The following IBTK variants were observed in gnomAD, a reference collection of about 807,000 sequenced individuals.
IBTK encodes inhibitor of Bruton tyrosine kinase.
In IBTK, 83 loss-of-function variants were observed where a neutral mutation model predicts 154.9. That is an observed-to-expected ratio of 0.54 (90% CI 0.45 to 0.64). The LOEUF (loss-of-function observed/expected upper bound fraction) is 0.64, where lower values mean the gene tolerates loss of function less well. Among genes scored for constraint, IBTK ranks in the 30% least tolerant of loss-of-function variants. The probability of loss-of-function intolerance (pLI) is 0.00; values close to 1 mark genes in which losing one functional copy is unlikely to be tolerated. For synonymous variants in IBTK, 515 were observed against 536.1 expected, an observed-to-expected ratio of 0.96 and a Z score of 0.54; for missense variants, 1,332 against 1,584.6, an observed-to-expected ratio of 0.84 and a Z score of 2.71.
Position 82,172,466 on chromosome 6 carries a change from C to G in IBTK, c.3844G>C (p.Val1282Leu). The G allele has an allele frequency of 1.2e-6, 2 of 1,613,860 alleles. No homozygotes were observed. Among genetic ancestry groups the G allele is most frequent in the Non-Finnish European group, 1.7e-6 (2 of 1,179,788 alleles). Residue 1282 changes from valine to leucine, a missense_variant, in exon 28 of 29, where the codon GTC (valine) becomes CTC (leucine). This residue lies in a region of IBTK where 1,134 missense variants were observed against 1,274.7 expected (regional missense o/e 0.89). Transcript: ENST00000306270. ...SVTAPSMVAPVTFASIVEEEL... is the reference protein window; with the variant it reads ...SVTAPSMVAPLTFASIVEEEL... ...TCTTCTACAATAGATGCAAAAGTGA[C>G]TGGGGCTACCATGGATGGAGCAGTC... is the stretch of plus-strand genomic sequence containing the variant.
intron 12 of IBTK, among the ~76,000 whole-genome samples, chr6:82,213,820 C>G (rs139444357): frequency 1.3e-5 from 2 of 151,110 alleles, no homozygotes; most frequent in African/African-American, 4.9e-5. Context: ...TATCCATGTA[C>G]CTCCCCAAAA....
rs1562100522 is a variant in IBTK at position 82,225,582 on chromosome 6, A to G, written c.720T>C (p.His240=). The G allele has an allele frequency of 1.5e-5, 24 of 1,613,570 alleles. No homozygotes were observed. The highest frequency in any genetic ancestry group is 2.0e-5 in the Non-Finnish European group (24 of 1,179,622). ...ATCCATCTTCAGTTAATACAACAGT[A>G]TGATCCTTAGCAGCTGCCACTTGGG... The part of the protein sequence containing the change: ...NCSQVAAAKD[H]TVVLTEDGCV... The change falls in exon 6 of 29, where the codon CAT becomes CAC. Residue 240 remains histidine (H), a synonymous_variant. Transcript: ENST00000306270.
At chr6:82,198,625 T>G (rs530618579) in intron 21 of IBTK, among the ~76,000 whole-genome samples, 54 of 152,170 alleles carry the variant, frequency 3.5e-4, no homozygotes, top group African/African-American at 1.2e-3. Flanking sequence ...CACAAAACAA[T>G]GTACTCTTCT....
At chr6:82,234,743 C>T (rs1770652346) in intron 2 of IBTK, among the ~76,000 whole-genome samples, 1 of 152,180 alleles carries the variant, frequency 6.6e-6, no homozygotes, top group Admixed American at 6.5e-5. Context: ...TTTTCTCTCA[C>T]ATACTGCAGA....
At chr6:82,232,214 A>G (rs1014237373) in intron 3 of IBTK, among the ~76,000 whole-genome samples, 2 of 152,186 alleles carry the variant, frequency 1.3e-5, no homozygotes, top group African/African-American at 4.8e-5. Flanking sequence ...TTTCTTTAGC[A>G]GCTAAAGTTT....
intron 13 of IBTK, 57 bp from the exon 14 acceptor site, chr6:82,211,629 A>G: frequency 5.0e-6 from 7 of 1,386,320 alleles, no homozygotes; most frequent in Non-Finnish European, 7.1e-6. Flanking sequence ...TTAGTGAAAA[A>G]GATTATAGGA....
chr6:82,201,431 G>A lies in IBTK; in HGVS notation c.2781C>T (p.Tyr927=). 1 of 1,607,630 alleles carries A rather than the reference G, an allele frequency of 6.2e-7. No individual in the cohort carries two copies. Among genetic ancestry groups the A allele is most frequent in the East Asian group, 2.2e-5 (1 of 44,536 alleles). The change falls in exon 19 of 29, where the codon TAC becomes TAT. Residue 927 remains tyrosine, a synonymous_variant. Coordinates refer to ENST00000306270, the MANE Select transcript of IBTK (RefSeq NM_015525.4). ...DGVLKDLSEF[Y]RKMIPAMDRR... is the part of the protein sequence containing the mutation. ...AAAACATAAACCTTACCATTTTCCGGTAAAACTCAGAAAGATCCTTCAAAA... is the reference window on the plus strand; with the variant it reads ...AAAACATAAACCTTACCATTTTCCGATAAAACTCAGAAAGATCCTTCAAAA...
chr6:82,203,498 C>A (rs1452828472), intron 17 of IBTK, among the ~76,000 whole-genome samples: 1 of 152,092 alleles, frequency 6.6e-6, no homozygotes, highest in East Asian at 1.9e-4. Context: ...CTGTCTCACT[C>A]CTGACTAATC....
At chr6:82,244,255 C>A (rs184256138) in intron 1 of IBTK, among the ~76,000 whole-genome samples, 1 of 152,290 alleles carries the variant, frequency 6.6e-6, no homozygotes, top group East Asian at 1.9e-4. Context: ...CATTTTAACT[C>A]CAAAATTCAT....
At chr6:82,180,450 A>C (rs1421296273) in intron 26 of IBTK, among the ~76,000 whole-genome samples, 1 of 152,066 alleles carries the variant, frequency 6.6e-6, no homozygotes, top group Non-Finnish European at 1.5e-5. Context: ...ACAGGGTTTC[A>C]TCATGTTGCC....
chr6:82,196,117 T>C (rs1009915548), intron 22 of IBTK, among the ~76,000 whole-genome samples, 181 bp downstream of exon 22: 5 of 152,180 alleles, frequency 3.3e-5, no homozygotes, highest in Non-Finnish European at 7.3e-5. Flanking sequence ...AAAACTGCCA[T>C]TACAATCTCT....
At chr6:82,183,280 C>A (rs1357486475) in intron 25 of IBTK, among the ~76,000 whole-genome samples, 1 of 151,918 alleles carries the variant, frequency 6.6e-6, no homozygotes, top group South Asian at 2.1e-4. Context: ...CATGGTGGCA[C>A]ACACCTGTAA....
In IBTK at chr6:82,240,152, C is replaced by T. The variant is rs1554188344; in HGVS notation, c.321+14G>A. The T allele has an allele frequency of 6.3e-7, 1 of 1,581,312 alleles. No homozygotes were observed. The highest frequency in any genetic ancestry group is 1.4e-5 in the African/African-American group (1 of 73,908). Reference sequence around the variant, plus strand: ...CCAGACTAAATACGTTTAAAATAAACAAATGACAATTACCTTCAATAGAGA... The same window carrying T: ...CCAGACTAAATACGTTTAAAATAAATAAATGACAATTACCTTCAATAGAGA... On this transcript the variant is annotated intron_variant, in intron 2 of 28. Coordinates refer to ENST00000306270, the MANE Select transcript of IBTK (RefSeq NM_015525.4).
intron 8 of IBTK, among the ~76,000 whole-genome samples, chr6:82,221,217 G>A (rs1277119702): frequency 6.6e-6 from 1 of 152,100 alleles, no homozygotes; most frequent in East Asian, 1.9e-4. Context: ...CCAGCTACTC[G>A]GGAGGGTGAG....
Position 82,170,705 on chromosome 6 carries a change from C to A in IBTK, c.*720G>T, listed in dbSNP as rs1767902967. 1 of 152,148 alleles carries A rather than the reference C, an allele frequency of 6.6e-6. No homozygotes were observed. The highest frequency in any genetic ancestry group is 1.5e-5 in the Non-Finnish European group (1 of 68,020). The allele number at this position is 152,148 out of a possible 1,614,324, so 9.4% of individuals were successfully genotyped here. On this transcript the variant is annotated 3_prime_UTR_variant, in exon 29 of 29. Coordinates refer to ENST00000306270, the MANE Select transcript of IBTK (RefSeq NM_015525.4). ...GGCATTTTTAAGATCCTCCATCCCA[C>A]CAAAAATAACCCACAATGACTCCAA...
intron 17 of IBTK, 78 bp downstream of exon 17, chr6:82,204,779 G>A: frequency 1.2e-6 from 1 of 817,976 alleles, no homozygotes; most frequent in Non-Finnish European, 1.8e-6. Flanking sequence ...ACCATAAGTG[G>A]AATCATAAAG....
chr6:82,222,916 A>C (rs1268030647), intron 8 of IBTK, among the ~76,000 whole-genome samples: 3 of 144,150 alleles, frequency 2.1e-5, no homozygotes, highest in South Asian at 2.1e-4. Context: ...AAAAAAAAAC[A>C]AAAACTTTAT....
At chr6:82,194,726 T>C (rs757637803) in intron 22 of IBTK, 84 bp from the exon 23 acceptor site, 20 of 843,054 alleles carry the variant, frequency 2.4e-5, no homozygotes, top group Non-Finnish European at 3.3e-5. Flanking sequence ...AAATATTAGT[T>C]ACATTATAAT....
At chr6:82,183,491 A>C (rs1167240331) in intron 25 of IBTK, among the ~76,000 whole-genome samples, 1 of 152,226 alleles carries the variant, frequency 6.6e-6, no homozygotes. Flanking sequence ...GACAATTTAC[A>C]TGGAATAGAC....
Sources: allele counts gnomAD v4.1 joint callset (sites outside exome capture counted in the v4.1 genomes callset), GRCh38; gene constraint gnomAD v4.1.1; regional missense constraint gnomAD v4.1.1; transcripts MANE v1.5; gene names NCBI Gene and HGNC (gene_info 2026-07-23, HGNC 2026-07-21).